SNTG1: variants seen among roughly 807,000 people sequenced by gnomAD.
The protein encoded by SNTG1 is syntrophin gamma 1, also known as gamma-1-syntrophin.
SNTG1 carries 39 observed loss-of-function variants against 74.7 expected under a neutral mutation model. The ratio of observed to expected loss-of-function variants is 0.52; its 90% CI spans 0.40 to 0.68. The LOEUF (loss-of-function observed/expected upper bound fraction) is 0.68, where lower values mean the gene tolerates loss of function less well. SNTG1 is among the 30% of genes least tolerant of loss of function. The pLI, the probability that SNTG1 is intolerant of heterozygous loss-of-function variation, is 0.00. For synonymous variants in SNTG1, 254 were observed against 217.1 expected, an observed-to-expected ratio of 1.17 and a Z score of -1.49; for missense variants, 685 against 609.5, an observed-to-expected ratio of 1.12 and a Z score of -1.30.
intron 1 of SNTG1, among the ~76,000 whole-genome samples, chr8:50,120,252 G>A (rs1393160791): frequency 7.1e-6 from 1 of 140,354 alleles, no homozygotes; most frequent in Non-Finnish European, 1.6e-5. Flanking sequence ...GAAAAAGTTA[G>A]ATCTTAGTAT....
intron 1 of SNTG1, among the ~76,000 whole-genome samples, chr8:49,973,913 T>C (rs1168326941): frequency 6.6e-6 from 1 of 152,214 alleles, no homozygotes; most frequent in Non-Finnish European, 1.5e-5. Context: ...AATTAAGTAA[T>C]AGAAGATTCT....
Position 49,969,918 on chromosome 8 carries a change from C to CTGTGTGTG in SNTG1, c.-103+57709_-103+57716dup, listed in dbSNP as rs34129313. ...GCTTTTTGATGGTGGAATAAAAAAC[C>CTGTGTGTG]TGTGTGTGTGTGTGTGTGTGTGTGT... On this transcript the variant is annotated intron_variant, in intron 1 of 18. Coordinates refer to ENST00000642720, the MANE Select transcript of SNTG1 (RefSeq NM_018967.5). Among the ~76,000 whole-genome samples, 86 of 149,114 alleles carry CTGTGTGTG rather than the reference C, an allele frequency of 5.8e-4. 1 individual carries two copies. Among genetic ancestry groups the CTGTGTGTG allele is most frequent in the African/African-American group, 1.6e-3 (65 of 40,660 alleles).
rs137977278 is a variant in SNTG1 at position 50,570,591 on chromosome 8, G to GTTGTTGTTATTATTATTA, written c.810+17414_810+17415insGTTGTTATTATTATTATT. Among the ~76,000 whole-genome samples, 374 of 130,152 alleles carry GTTGTTGTTATTATTATTA rather than the reference G, an allele frequency of 2.9e-3. 3 individuals are homozygous for GTTGTTGTTATTATTATTA. The highest frequency in any genetic ancestry group is 0.027 in the East Asian group (118 of 4,356). 85.4% of individuals were successfully genotyped at this position (130,152 alleles called of 152,430 possible). On this transcript the variant is annotated intron_variant, in intron 12 of 18. Transcript: ENST00000642720. ...TATTATTATTATTATTATTATTGTT[G>GTTGTTGTTATTATTATTA]TTATTATTATTATTATTATTATTAT...
intron 1 of SNTG1, among the ~76,000 whole-genome samples, chr8:50,151,734 T>C (rs2082076591): frequency 6.6e-6 from 1 of 152,224 alleles, no homozygotes; most frequent in Non-Finnish European, 1.5e-5. Flanking sequence ...GTGAGTTTCT[T>C]AATCCTGAGT....
At chr8:50,109,445 A>C (rs1306757474) in intron 1 of SNTG1, among the ~76,000 whole-genome samples, 3 of 152,124 alleles carry the variant, frequency 2.0e-5, no homozygotes, top group Non-Finnish European at 4.4e-5. Context: ...GAGAGTATAA[A>C]ACATGGAGGA....
intron 17 of SNTG1, among the ~76,000 whole-genome samples, chr8:50,723,782 C>A (rs2095493288): frequency 6.9e-6 from 1 of 145,946 alleles, no homozygotes; most frequent in Non-Finnish European, 1.5e-5. Flanking sequence ...GGCAATGAGG[C>A]CTATGGAAAA....
intron 1 of SNTG1, among the ~76,000 whole-genome samples, chr8:49,943,675 A>C (rs999571551): frequency 6.6e-6 from 1 of 152,266 alleles, no homozygotes; most frequent in Non-Finnish European, 1.5e-5. Flanking sequence ...TGAGCCCCAC[A>C]TTAATATAAA....
intron 2 of SNTG1, among the ~76,000 whole-genome samples, chr8:50,282,876 G>A (rs1792081950): frequency 6.6e-6 from 1 of 152,158 alleles, no homozygotes; most frequent in South Asian, 2.1e-4. Context: ...TGCAACCAAT[G>A]TTACCAATTG....
At chr8:50,777,514 T>G (rs2095644428) in intron 18 of SNTG1, among the ~76,000 whole-genome samples, 1 of 151,314 alleles carries the variant, frequency 6.6e-6, no homozygotes, top group African/African-American at 2.4e-5. Context: ...TTCTGAGACT[T>G]TCTACACTTT....
chr8:50,102,421 G>T (rs1438150167), intron 1 of SNTG1, among the ~76,000 whole-genome samples: 2 of 149,074 alleles, frequency 1.3e-5, no homozygotes, highest in African/African-American at 5.0e-5. Flanking sequence ...TTTTTTTCTT[G>T]TAAATTTGTT....
intron 18 of SNTG1, among the ~76,000 whole-genome samples, chr8:50,756,216 C>A (rs140844952): frequency 2.8e-4 from 43 of 151,876 alleles, no homozygotes; most frequent in African/African-American, 9.6e-4. Context: ...TTTTTGCTCT[C>A]TTGAGAATGT....
At chr8:50,336,498 G>A (rs1029506361) in intron 2 of SNTG1, among the ~76,000 whole-genome samples, 14 of 152,074 alleles carry the variant, frequency 9.2e-5, no homozygotes, top group African/African-American at 3.4e-4. Context: ...ACCAGAGGTG[G>A]TCTTTTTTTT....
At chr8:50,780,954 A>C (rs28832592) in intron 18 of SNTG1, among the ~76,000 whole-genome samples, 1 of 151,832 alleles carries the variant, frequency 6.6e-6, no homozygotes, top group Non-Finnish European at 1.5e-5. Flanking sequence ...CCTTTATTTC[A>C]TTACGTACCG....
At chr8:50,752,950 A>T (rs2095571388) in intron 18 of SNTG1, among the ~76,000 whole-genome samples, 1 of 151,730 alleles carries the variant, frequency 6.6e-6, no homozygotes, top group South Asian at 2.1e-4. Context: ...CTTGTCTCTT[A>T]CTTGTCTTTG....
At chr8:50,157,032 G>C (rs1172907143) in intron 1 of SNTG1, among the ~76,000 whole-genome samples, 1 of 152,044 alleles carries the variant, frequency 6.6e-6, no homozygotes, top group Non-Finnish European at 1.5e-5. Context: ...CAAATGAATA[G>C]ATAAGCAAAT....
chr8:50,733,769 A>G (rs1296183372), intron 17 of SNTG1, among the ~76,000 whole-genome samples: 2 of 151,778 alleles, frequency 1.3e-5, no homozygotes, highest in Non-Finnish European at 2.9e-5. Flanking sequence ...CTATTTTTTA[A>G]TGGAGTTTTT....
intron 1 of SNTG1, among the ~76,000 whole-genome samples, chr8:49,926,147 A>G (rs910776512): frequency 2.6e-5 from 4 of 152,164 alleles, no homozygotes; most frequent in African/African-American, 9.7e-5. Context: ...GGTTCTAGAA[A>G]TTAATGTAAA....
intron 3 of SNTG1, among the ~76,000 whole-genome samples, chr8:50,398,916 A>G (rs2092764882): frequency 6.6e-6 from 1 of 152,194 alleles, no homozygotes; most frequent in Non-Finnish European, 1.5e-5. Context: ...GGGCAACAAG[A>G]GCGAAACTCT....
At chr8:50,105,023 G>T (rs983603349) in intron 1 of SNTG1, among the ~76,000 whole-genome samples, 1 of 152,066 alleles carries the variant, frequency 6.6e-6, no homozygotes, top group Non-Finnish European at 1.5e-5. Flanking sequence ...CTTTTGCTCT[G>T]CAGAAGCCTT....
Sources: allele counts gnomAD v4.1 joint callset (sites outside exome capture counted in the v4.1 genomes callset), GRCh38; gene constraint gnomAD v4.1.1; transcripts MANE v1.5; gene names NCBI Gene and HGNC (gene_info 2026-07-23, HGNC 2026-07-21).